Variants in LIN28B observed in about 807,000 individuals in gnomAD.
The protein encoded by LIN28B is lin-28 RNA binding posttranscriptional regulator B.
A neutral mutation model predicts 21.9 loss-of-function variants in LIN28B; 5 were observed. The observed-to-expected ratio is 0.23, with a 90% confidence interval of 0.12 to 0.48. The LOEUF is 0.48. Ranked by LOEUF, LIN28B falls within the 20% of genes least tolerant of loss-of-function variation. The pLI, the probability that LIN28B is intolerant of heterozygous loss-of-function variation, is 0.98. For missense variants in LIN28B, 245 were observed against 310.5 expected (o/e 0.79, Z 1.58); for synonymous variants, 109 against 111.3 (o/e 0.98, Z 0.13).
chr6:104,967,837 C>T (rs1434706817), intron 2 of LIN28B, among the ~76,000 whole-genome samples: 1 of 151,918 alleles, frequency 6.6e-6, no homozygotes, highest in African/African-American at 2.4e-5. Context: ...CACCACCATG[C>T]CTGGCACATG....
At chr6:105,018,308 T>C (rs934021580) in intron 2 of LIN28B, among the ~76,000 whole-genome samples, 3 of 151,932 alleles carry the variant, frequency 2.0e-5, no homozygotes, top group African/African-American at 7.3e-5. Context: ...AAAATAAAAT[T>C]CCGTGATATG....
At chr6:105,076,958 A>C (rs1772438514) in intron 3 of LIN28B, among the ~76,000 whole-genome samples, 1 of 151,520 alleles carries the variant, frequency 6.6e-6, no homozygotes, top group African/African-American at 2.4e-5. Flanking sequence ...GGCTGGGTGC[A>C]GTGGCTCACG....
chr6:105,035,726 C>T (rs1003516160), intron 3 of LIN28B, among the ~76,000 whole-genome samples: 11 of 152,114 alleles, frequency 7.2e-5, no homozygotes, highest in Non-Finnish European at 1.3e-4. Flanking sequence ...ATTAAGTTCA[C>T]ATAGCTTACC....
At chr6:105,042,394 T>C (rs1276727858) in intron 3 of LIN28B, among the ~76,000 whole-genome samples, 2 of 152,216 alleles carry the variant, frequency 1.3e-5, no homozygotes, top group Non-Finnish European at 2.9e-5. Context: ...TGACCTGTAC[T>C]AAATATTCCT....
intron 2 of LIN28B, among the ~76,000 whole-genome samples, chr6:104,969,211 A>C (rs1440400087): frequency 6.6e-6 from 1 of 152,164 alleles, no homozygotes; most frequent in Non-Finnish European, 1.5e-5. Context: ...TCTAATTAAA[A>C]ATTTTCGTTG....
chr6:104,949,431 C>T (rs1038461223), intron 2 of LIN28B, among the ~76,000 whole-genome samples: 2 of 152,150 alleles, frequency 1.3e-5, no homozygotes, highest in Non-Finnish European at 2.9e-5. Flanking sequence ...AAATCTAACT[C>T]GGTGGGATTG....
intron 2 of LIN28B, among the ~76,000 whole-genome samples, chr6:105,016,815 G>A (rs943299529): frequency 1.3e-5 from 2 of 152,012 alleles, no homozygotes; most frequent in Non-Finnish European, 2.9e-5. Flanking sequence ...CCAGCCCTTC[G>A]CGAGGCTGAG....
chr6:105,035,749 G>A (rs988673072), intron 3 of LIN28B, among the ~76,000 whole-genome samples: 6 of 152,108 alleles, frequency 3.9e-5, no homozygotes, highest in Admixed American at 6.5e-5. Context: ...CAAAATATCA[G>A]GAAATGTAAA....
chr6:105,048,429 T>C (rs1337737678), intron 3 of LIN28B, among the ~76,000 whole-genome samples: 2 of 152,354 alleles, frequency 1.3e-5, no homozygotes, highest in Admixed American at 6.5e-5. Context: ...GCCAGTATTT[T>C]ATTGAGGATT....
rs1234509500 is a variant in LIN28B at position 104,963,334 on chromosome 6, C to T, written c.198+5048C>T. ...GTGCTGGGATTACAGGCGTGAGCCACCGCTCCTGGCCAGGCATTTATTATA... is the reference window on the plus strand; with the variant it reads ...GTGCTGGGATTACAGGCGTGAGCCATCGCTCCTGGCCAGGCATTTATTATA... On this transcript the variant is annotated intron_variant, in intron 2 of 3. Transcript: ENST00000345080. 2.0e-5 allele frequency among the ~76,000 whole-genome samples: 3 copies of T among 152,324 alleles called. No individual in the cohort carries two copies. The East Asian group carries it at 5.8e-4, about 29-fold the overall frequency.
At chr6:104,941,063 G>T (rs1403870107) in intron 2 of LIN28B, 1 of 152,208 alleles carries the variant, frequency 6.6e-6, no homozygotes, top group African/African-American at 2.4e-5. Context: ...CCGGGTGTGC[G>T]TGCGGGTGCG....
chr6:105,030,567 C>T (rs1266403594), intron 3 of LIN28B, among the ~76,000 whole-genome samples: 2 of 141,344 alleles, frequency 1.4e-5, no homozygotes, highest in Admixed American at 1.4e-4. Context: ...AGAACAGGCT[C>T]TTGAATTAAT....
intron 2 of LIN28B, among the ~76,000 whole-genome samples, chr6:104,958,782 A>T (rs775089407): frequency 7.2e-5 from 11 of 152,204 alleles, no homozygotes; most frequent in Non-Finnish European, 1.2e-4. Flanking sequence ...CATTTTGTAG[A>T]TTCAGATCAA....
intron 3 of LIN28B, among the ~76,000 whole-genome samples, chr6:105,071,034 G>A (rs1246732295): frequency 1.3e-5 from 2 of 152,042 alleles, no homozygotes; most frequent in Non-Finnish European, 2.9e-5. Flanking sequence ...GCACTACCAT[G>A]CCTGGCTAAG....
chr6:104,949,536 A>G (rs559559131), intron 2 of LIN28B, among the ~76,000 whole-genome samples: 4 of 152,308 alleles, frequency 2.6e-5, no homozygotes, highest in African/African-American at 9.6e-5. Flanking sequence ...TTAGATTGCA[A>G]CTTAAATAAT....
intron 2 of LIN28B, among the ~76,000 whole-genome samples, chr6:104,984,399 C>G (rs565022808): frequency 3.0e-4 from 46 of 152,050 alleles, no homozygotes; most frequent in Admixed American, 8.5e-4. Context: ...TACCTCAACT[C>G]TTGTATCTCT....
At position 105,008,394 on chromosome 6, in the gene LIN28B, C is replaced by T. The variant is rs146620380; in HGVS notation, c.199-17904C>T. Among the ~76,000 whole-genome samples, 1,018 of 152,148 alleles carry T rather than the reference C, an allele frequency of 6.7e-3. 8 individuals are homozygous for T. The highest frequency in any genetic ancestry group is 0.023 in the African/African-American group (974 of 41,514). Reference sequence around the variant, plus strand: ...GCGCGGTGGCTCACGTCTGTAATCCCAGCACTTTGGGAGGCCGAGGCGGGC... The same window carrying T: ...GCGCGGTGGCTCACGTCTGTAATCCTAGCACTTTGGGAGGCCGAGGCGGGC... On this transcript the variant is annotated intron_variant, in intron 2 of 3. Transcript: ENST00000345080.
chr6:104,984,144 A>G (rs138350981), intron 2 of LIN28B, among the ~76,000 whole-genome samples: 19 of 152,326 alleles, frequency 1.2e-4, no homozygotes, highest in African/African-American at 4.1e-4. Flanking sequence ...AGTGAGTTAG[A>G]TATATAAGAG....
chr6:104,980,633 A>G (rs930654152), intron 2 of LIN28B, among the ~76,000 whole-genome samples: 7 of 152,230 alleles, frequency 4.6e-5, no homozygotes, highest in South Asian at 2.1e-4. Flanking sequence ...GTTTCATTCA[A>G]TATGAAAGGA....
Sources: allele counts gnomAD v4.1 joint callset (sites outside exome capture counted in the v4.1 genomes callset), GRCh38; gene constraint gnomAD v4.1.1; transcripts MANE v1.5; gene names NCBI Gene and HGNC (gene_info 2026-07-23, HGNC 2026-07-21).